CALCR: variants seen among roughly 807,000 people sequenced by gnomAD.
The protein encoded by CALCR is calcitonin receptor.
In CALCR, 47 loss-of-function variants were observed where a neutral mutation model predicts 59.5. That is an observed-to-expected ratio of 0.79 (90% CI 0.63 to 1.01). The LOEUF (loss-of-function observed/expected upper bound fraction) is 1.01. CALCR is among the 50% of genes least tolerant of loss of function. The pLI is 0.00. For missense variants in CALCR, 566 were observed against 597.1 expected, an observed-to-expected ratio of 0.95 and a Z score of 0.54; for synonymous variants, 213 against 211.3, an observed-to-expected ratio of 1.01 and a Z score of -0.07.
In CALCR at chr7:93,568,547, CTCTCTCTCTG is replaced by C. The variant is rs1398072951; in HGVS notation, c.-27+5732_-27+5741del. ...TCTCTCTCTCTCTCTCTCTCTCTCT[CTCTCTCTCTG>C]TCTCTCTCCTGTAGTCTTTCATCTC... On this transcript the variant is annotated intron_variant, in intron 2 of 13. Transcript: ENST00000426151. Among the ~76,000 whole-genome samples the C allele has an allele frequency of 1.2e-3, 138 of 118,400 alleles. 3 individuals carry two copies. Among genetic ancestry groups the C allele is most frequent in the African/African-American group, 3.9e-3 (129 of 33,316 alleles). 77.7% of individuals were successfully genotyped at this position (118,400 alleles called of 152,430 possible). A position where few individuals can be genotyped will look rare whatever the true frequency, so the allele number is the denominator to read the frequency against.
At chr7:93,532,642 T>C (rs1043798057) in intron 2 of CALCR, among the ~76,000 whole-genome samples, 4 of 151,794 alleles carry the variant, frequency 2.6e-5, no homozygotes, top group Non-Finnish European at 5.9e-5. Context: ...CTGGAATGGT[T>C]CCCTAAATTA....
At chr7:93,505,163 A>G (rs17165513) in intron 2 of CALCR, among the ~76,000 whole-genome samples, 19,071 of 144,578 alleles carry the variant, frequency 0.13, 2,582 homozygotes, top group African/African-American at 0.37. Context: ...AGCTAAGTGG[A>G]AAAAAAAAAG....
At chr7:93,532,949 A>G (rs1448827925) in intron 2 of CALCR, among the ~76,000 whole-genome samples, 2 of 151,676 alleles carry the variant, frequency 1.3e-5, no homozygotes, top group Admixed American at 6.6e-5. Context: ...GATTGTGACA[A>G]GTATAAAGTG....
chr7:93,481,473 T>A (rs1800795613), intron 3 of CALCR, among the ~76,000 whole-genome samples: 2 of 151,760 alleles, frequency 1.3e-5, no homozygotes, highest in Admixed American at 6.6e-5. Context: ...ACAGTAATAG[T>A]CAAATAGCCC....
Position 93,426,264 on chromosome 7 carries a change from G to C in CALCR, c.*92C>G. On this transcript the variant is annotated 3_prime_UTR_variant, in exon 14 of 14. Transcript: ENST00000426151. The stretch of plus-strand genomic sequence containing the variant: ...ATAATTCTTCACAAATGATATGTTC[G>C]GTTCCTGGGAGGATGGAGAATACTT... 1.3e-6 allele frequency: 1 copy of C among 747,634 alleles called. No homozygotes were observed. The highest frequency in any genetic ancestry group is 1.9e-5 in the Admixed American group (1 of 52,086). The allele number at this position is 747,634 out of a possible 1,614,324, so 46.3% of individuals were successfully genotyped here. A position where few individuals can be genotyped will look rare whatever the true frequency, so the allele number is the denominator to read the frequency against.
chr7:93,446,551 A>G (rs1307487834), intron 8 of CALCR, among the ~76,000 whole-genome samples: 1 of 152,036 alleles, frequency 6.6e-6, no homozygotes, highest in African/African-American at 2.4e-5. Flanking sequence ...GCTATGAGCC[A>G]GGAACTAAGC....
intron 2 of CALCR, among the ~76,000 whole-genome samples, chr7:93,561,339 A>G (rs1232341014): frequency 1.3e-5 from 2 of 152,128 alleles, no homozygotes; most frequent in Non-Finnish European, 2.9e-5. Context: ...TTTAAAAACC[A>G]TAAAATGCTA....
chr7:93,425,156 A>C lies in CALCR; in HGVS notation c.*1200T>G, dbSNP rs1405931243. On this transcript the variant is annotated 3_prime_UTR_variant, in exon 14 of 14. Coordinates refer to ENST00000426151, the MANE Select transcript of CALCR (RefSeq NM_001742.4). ...ATCTTATACTGGGAAGTAAAGAGAG[A>C]TATGATAATATAATACTGGATTTTA... The C allele has an allele frequency of 6.6e-6, 1 of 152,642 alleles. No individual in the cohort carries two copies. 9.5% of individuals were successfully genotyped at this position (152,642 alleles called of 1,614,324 possible). A position where few individuals can be genotyped will look rare whatever the true frequency, so the allele number is the denominator to read the frequency against.
At chr7:93,467,399 A>G (rs961601183) in intron 7 of CALCR, among the ~76,000 whole-genome samples, 3 of 151,696 alleles carry the variant, frequency 2.0e-5, no homozygotes, top group African/African-American at 7.2e-5. Flanking sequence ...CAATATAAGA[A>G]TCTTGACTAA....
intron 5 of CALCR, 22 bp from the exon 6 acceptor site, chr7:93,472,509 T>A: frequency 7.7e-7 from 1 of 1,299,046 alleles, no homozygotes; most frequent in Non-Finnish European, 1.1e-6. Flanking sequence ...ACATAACAGT[T>A]ATTGCATTAA....
At position 93,574,343 on chromosome 7, in the gene CALCR, C is replaced by T. The variant is rs1248441653; in HGVS notation, c.-81G>A. ...CAGCTCAATAGAAGCAAAGGGTGTT[C>T]GCAGGTGTGGCTCCAGGGACTCAGG... On this transcript the variant is annotated 5_prime_UTR_variant, in exon 2 of 14. Transcript: ENST00000426151. 1 of 152,272 alleles carries T rather than the reference C, an allele frequency of 6.6e-6. No homozygotes were observed. The highest frequency in any genetic ancestry group is 1.5e-5 in the Non-Finnish European group (1 of 68,108). The allele number at this position is 152,272 out of a possible 1,614,324, so 9.4% of individuals were successfully genotyped here.
intron 2 of CALCR, among the ~76,000 whole-genome samples, chr7:93,495,303 G>A (rs1000180521): frequency 6.6e-6 from 1 of 151,340 alleles, no homozygotes; most frequent in Non-Finnish European, 1.5e-5. Flanking sequence ...TTGTTTACTT[G>A]CTTCTTGATG....
intron 7 of CALCR, chr7:93,461,965 C>T: frequency 1.3e-6 from 1 of 744,080 alleles, no homozygotes; most frequent in Non-Finnish European, 2.2e-6. Context: ...ACTAACTATT[C>T]CTAAAAATAT....
At position 93,438,311 on chromosome 7, in the gene CALCR, T is replaced by C; in HGVS notation, c.803-41A>G. Reference sequence around the variant, plus strand: ...GTACAAATCACACTTGGTTTCTTGGTCATAACCTTTAAGTACAGCTGCATG... The same window carrying C: ...GTACAAATCACACTTGGTTTCTTGGCCATAACCTTTAAGTACAGCTGCATG... On this transcript the variant is annotated intron_variant, in intron 9 of 13. Coordinates refer to ENST00000426151, the MANE Select transcript of CALCR (RefSeq NM_001742.4). The C allele has an allele frequency of 2.7e-6, 4 of 1,483,454 alleles. No individual in the cohort carries two copies. The South Asian group carries it at 4.5e-5, about 17-fold the overall frequency. 91.9% of individuals were successfully genotyped at this position (1,483,454 alleles called of 1,614,324 possible). A position where few individuals can be genotyped will look rare whatever the true frequency, so the allele number is the denominator to read the frequency against.
intron 2 of CALCR, among the ~76,000 whole-genome samples, chr7:93,504,210 T>G: frequency 6.6e-6 from 1 of 152,184 alleles, no homozygotes; most frequent in East Asian, 1.9e-4. Context: ...CCATTTTAAT[T>G]CTTATTGTTG....
intron 5 of CALCR, among the ~76,000 whole-genome samples, chr7:93,474,417 G>A (rs981649806): frequency 2.0e-5 from 3 of 151,562 alleles, no homozygotes; most frequent in African/African-American, 7.3e-5. Flanking sequence ...TTGGTACTGG[G>A]ACTCTAGAAG....
intron 4 of CALCR, 129 bp downstream of exon 4, chr7:93,479,225 C>T: frequency 1.1e-6 from 1 of 909,568 alleles, no homozygotes; most frequent in South Asian, 1.8e-5. Flanking sequence ...ACAAACATAC[C>T]ATAGTGTGAA....
intron 8 of CALCR, among the ~76,000 whole-genome samples, chr7:93,452,521 A>C (rs1455896108): frequency 6.6e-6 from 1 of 152,016 alleles, no homozygotes; most frequent in Non-Finnish European, 1.5e-5. Flanking sequence ...TTGTAGGAAA[A>C]TACTGCAATC....
At chr7:93,479,612 G>T in intron 3 of CALCR, 105 bp from the exon 4 acceptor site, 2 of 1,030,334 alleles carry the variant, frequency 1.9e-6, no homozygotes, top group Non-Finnish European at 2.8e-6. Context: ...TGCTCTCTAA[G>T]CAATACTTAT....
Sources: allele counts gnomAD v4.1 joint callset (sites outside exome capture counted in the v4.1 genomes callset), GRCh38; gene constraint gnomAD v4.1.1; transcripts MANE v1.5; gene names NCBI Gene and HGNC (gene_info 2026-07-23, HGNC 2026-07-21).